The following MSRB2 variants were observed in gnomAD, a reference collection of about 807,000 sequenced individuals.
MSRB2 encodes methionine sulfoxide reductase B2.
MSRB2 carries 17 observed loss-of-function variants against 19.0 expected under a neutral mutation model. The observed-to-expected ratio is 0.89, with a 90% CI of 0.61 to 1.34. The LOEUF (loss-of-function observed/expected upper bound fraction) is 1.34, where lower values mean the gene tolerates loss of function less well. Among genes scored for constraint, MSRB2 ranks in the 40% most tolerant of loss-of-function variants. The probability of loss-of-function intolerance (pLI) is 0.00; values close to 1 mark genes in which losing one functional copy is unlikely to be tolerated. For missense variants in MSRB2, 208 were observed against 237.6 expected (o/e 0.88, Z 0.82); for synonymous variants, 107 against 99.7 (o/e 1.07, Z -0.44).
At chr10:23,100,822 G>A (rs764650670) in intron 1 of MSRB2, among the ~76,000 whole-genome samples, 1 of 152,140 alleles carries the variant, frequency 6.6e-6, no homozygotes, top group Non-Finnish European at 1.5e-5. Flanking sequence ...GCAGTCACTC[G>A]TTCCACTGTG....
At chr10:23,114,349 C>CA (rs764900482) in intron 3 of MSRB2, among the ~76,000 whole-genome samples, 1,638 of 48,526 alleles carry the variant, frequency 0.034, 41 homozygotes, top group African/African-American at 0.077. Flanking sequence ...GACTCCATCT[C>CA]AAAAAAAAAA....
chr10:23,102,647 T>C (rs58856952), intron 1 of MSRB2, among the ~76,000 whole-genome samples: 312 of 152,330 alleles, frequency 2.0e-3, no homozygotes, highest in African/African-American at 7.2e-3. Context: ...TTGGTTAAAG[T>C]AGTGGCATTT....
At position 23,118,330 on chromosome 10, in the gene MSRB2, G is replaced by GTTTTTTT. The variant is rs199691499; in HGVS notation, c.297-968_297-967insTTTTTTT. Among the ~76,000 whole-genome samples, 29 of 86,630 alleles carry GTTTTTTT rather than the reference G, an allele frequency of 3.3e-4. 2 individuals carry two copies. Among genetic ancestry groups the GTTTTTTT allele is most frequent in the African/African-American group, 1.3e-3 (28 of 20,910 alleles). 56.8% of individuals were successfully genotyped at this position (86,630 alleles called of 152,430 possible). A position where few individuals can be genotyped will look rare whatever the true frequency, so the allele number is the denominator to read the frequency against. ...TTTGCTACTTTTTCTTCTTAGATTA[G>GTTTTTTT]TTTTTTGTTTTTTTTTTTTTTTTTT... On this transcript the variant is annotated intron_variant, in intron 3 of 4. Coordinates refer to ENST00000376510, the MANE Select transcript of MSRB2 (RefSeq NM_012228.4).
chr10:23,098,064 A>G (rs1180507094), intron 1 of MSRB2, among the ~76,000 whole-genome samples: 3 of 152,188 alleles, frequency 2.0e-5, no homozygotes. Flanking sequence ...TTGCTTCAGG[A>G]AAATATTCTT....
intron 1 of MSRB2, among the ~76,000 whole-genome samples, chr10:23,100,496 G>A (rs558836281): frequency 6.6e-6 from 1 of 152,270 alleles, no homozygotes; most frequent in South Asian, 2.1e-4. Flanking sequence ...GGTTTAATTG[G>A]CTTACGGTTC....
In MSRB2 at chr10:23,096,352, C is replaced by CTGTGTGTGTGTGTG. The variant is rs767702970; in HGVS notation, c.118+634_118+647dup. Among the ~76,000 whole-genome samples the CTGTGTGTGTGTGTG allele has an allele frequency of 1.5e-3, 211 of 142,826 alleles. 2 individuals are homozygous for CTGTGTGTGTGTGTG. Among genetic ancestry groups the CTGTGTGTGTGTGTG allele is most frequent in the African/African-American group, 4.9e-3 (178 of 36,574 alleles). The allele number at this position is 142,826 out of a possible 152,430, so 93.7% of individuals were successfully genotyped here. On this transcript the variant is annotated intron_variant, in intron 1 of 4. Transcript: ENST00000376510. ...TGTGTGTGTGTGTCTCTCTCTCTCT[C>CTGTGTGTGTGTGTG]TGTGTGTGTGTGTGTGTGTGTTTCT... is the stretch of plus-strand genomic sequence containing the variant.
chr10:23,120,483 T>G (rs1266661421), intron 4 of MSRB2, among the ~76,000 whole-genome samples: 1 of 152,234 alleles, frequency 6.6e-6, no homozygotes, highest in African/African-American at 2.4e-5. Context: ...AGCTCTCTTA[T>G]GTAGGTATGA....
At chr10:23,120,731 G>A (rs762828600) in intron 4 of MSRB2, 27 bp from the exon 5 acceptor site, 2 of 1,565,880 alleles carry the variant, frequency 1.3e-6, no homozygotes, top group Non-Finnish European at 1.8e-6. Flanking sequence ...TGCATTTGGA[G>A]ATGACAGAGG....
At chr10:23,106,152 A>G (rs1288895301) in intron 2 of MSRB2, among the ~76,000 whole-genome samples, 1 of 152,234 alleles carries the variant, frequency 6.6e-6, no homozygotes, top group Non-Finnish European at 1.5e-5. Context: ...TGGCCATTTG[A>G]CAAAATGAGC....
chr10:23,117,915 C>T, intron 3 of MSRB2, among the ~76,000 whole-genome samples: 1 of 152,228 alleles, frequency 6.6e-6, no homozygotes. Context: ...TGAGAACCAA[C>T]ATGCTAGTCA....
rs541264452 is a variant in MSRB2 at position 23,097,951 on chromosome 10, G to C, written c.118+2225G>C. Among the ~76,000 whole-genome samples, 3 of 152,260 alleles carry C rather than the reference G, an allele frequency of 2.0e-5. No homozygotes were observed. The South Asian group carries it at 6.2e-4, about 32-fold the overall frequency. On this transcript the variant is annotated intron_variant, in intron 1 of 4. Transcript: ENST00000376510. ...ATTGAAATGACAGTATTTTTTTCCAGTGCTGCAATTTCTCATATGCTTAGA... is the reference window on the plus strand; with the variant it reads ...ATTGAAATGACAGTATTTTTTTCCACTGCTGCAATTTCTCATATGCTTAGA...
chr10:23,119,159 G>A (rs532873592), intron 3 of MSRB2, 145 bp from the exon 4 acceptor site: 1 of 1,004,418 alleles, frequency 1.0e-6, no homozygotes, highest in Non-Finnish European at 1.5e-6. Context: ...ATTCCGGGGG[G>A]ACTGACTGTC....
chr10:23,104,647 A>G lies in MSRB2; in HGVS notation c.219+403A>G, dbSNP rs886489797. Among the ~76,000 whole-genome samples, 6 of 152,232 alleles carry G rather than the reference A, an allele frequency of 3.9e-5. No homozygotes were observed. In the East Asian group the frequency reaches 1.2e-3, roughly 29 times the overall value. On this transcript the variant is annotated intron_variant, in intron 2 of 4. Transcript: ENST00000376510. ...AGCTCAAAACCTTTGGTGGCTGCCC[A>G]GTGCTTTCAAGGAAAAAGAAAAGTA... is the stretch of plus-strand genomic sequence containing the variant.
intron 1 of MSRB2, among the ~76,000 whole-genome samples, chr10:23,102,496 T>A (rs1045605756): frequency 1.3e-5 from 2 of 152,156 alleles, no homozygotes; most frequent in South Asian, 2.1e-4. Flanking sequence ...TTTTCACTTA[T>A]GTGATTTTTT....
At chr10:23,097,127 A>C (rs1217192400) in intron 1 of MSRB2, among the ~76,000 whole-genome samples, 3 of 152,232 alleles carry the variant, frequency 2.0e-5, no homozygotes, top group African/African-American at 7.2e-5. Flanking sequence ...CAAAATGGAA[A>C]CTGGCTGTAA....
At chr10:23,117,211 T>C (rs1840120940) in intron 3 of MSRB2, among the ~76,000 whole-genome samples, 4 of 152,186 alleles carry the variant, frequency 2.6e-5, no homozygotes, top group South Asian at 4.1e-4. Flanking sequence ...CACACACAAA[T>C]CTTTCAGAAG....
chr10:23,114,938 C>A (rs1011945639), intron 3 of MSRB2, among the ~76,000 whole-genome samples: 1 of 152,160 alleles, frequency 6.6e-6, no homozygotes, highest in Non-Finnish European at 1.5e-5. Flanking sequence ...TTCCTTATTA[C>A]AGGTGTAAGT....
At chr10:23,096,373 T>TGTGTGTGTGTG (rs3838757) in intron 1 of MSRB2, among the ~76,000 whole-genome samples, 3 of 151,598 alleles carry the variant, frequency 2.0e-5, no homozygotes, top group South Asian at 2.1e-4. Context: ...TGTGTGTGTG[T>TGTGTGTGTGTG]TTCTGCTAAA....
At chr10:23,119,147 C>T (rs757072501) in intron 3 of MSRB2, 157 bp from the exon 4 acceptor site, 4 of 908,356 alleles carry the variant, frequency 4.4e-6, no homozygotes, top group African/African-American at 1.6e-5. Context: ...GCAGTGAGGA[C>T]GATTCCGGGG....
Sources: allele counts gnomAD v4.1 joint callset (sites outside exome capture counted in the v4.1 genomes callset), GRCh38; gene constraint gnomAD v4.1.1; transcripts MANE v1.5; gene names NCBI Gene and HGNC (gene_info 2026-07-23, HGNC 2026-07-21).